IFT88: variants seen among roughly 807,000 people sequenced by gnomAD.
The protein encoded by IFT88 is intraflagellar transport 88, also known as intraflagellar transport protein 88 homolog.
Under a neutral mutation model 119.5 loss-of-function variants are expected in IFT88, and 74 were observed. The observed-to-expected ratio is 0.62, with a 90% confidence interval of 0.51 to 0.75. The LOEUF (loss-of-function observed/expected upper bound fraction) is 0.75. Ranked by LOEUF, IFT88 falls within the 30% of genes least tolerant of loss-of-function variation. The pLI is 0.00. For synonymous variants in IFT88, 279 were observed against 316.7 expected (o/e 0.88, Z 1.26); for missense variants, 961 against 977.7 (o/e 0.98, Z 0.23).
At position 20,629,402 on chromosome 13, in the gene IFT88, G is replaced by T. The variant is rs556981742; in HGVS notation, c.1300-1614G>T. On this transcript the variant is annotated intron_variant, in intron 15 of 25. Coordinates refer to ENST00000351808, the MANE Select transcript of IFT88 (RefSeq NM_006531.5). Reference sequence around the variant, plus strand: ...AATGTTATAAGATCTTTCCAAGAAAGTAAATGATAGAATCTTGAAAGTGAG... The same window carrying T: ...AATGTTATAAGATCTTTCCAAGAAATTAAATGATAGAATCTTGAAAGTGAG... 6.6e-5 allele frequency among the ~76,000 whole-genome samples: 10 copies of T among 152,292 alleles called. No homozygotes were observed. The South Asian group carries it at 2.1e-3, about 32-fold the overall frequency.
intron 24 of IFT88, among the ~76,000 whole-genome samples, chr13:20,678,339 G>A (rs577391038): frequency 6.6e-6 from 1 of 152,232 alleles, no homozygotes; most frequent in Non-Finnish European, 1.5e-5. Context: ...AGTGGGACCA[G>A]GGGGCTGACA....
chr13:20,595,581 C>T (rs147264099), intron 7 of IFT88, among the ~76,000 whole-genome samples: 10,756 of 151,956 alleles, frequency 0.071, 522 homozygotes, highest in Non-Finnish European at 0.11. Flanking sequence ...GGAGCCACCA[C>T]GCCTGGCCAT....
At chr13:20,608,445 G>A (rs1486743395) in intron 13 of IFT88, among the ~76,000 whole-genome samples, 3 of 152,148 alleles carry the variant, frequency 2.0e-5, no homozygotes, top group South Asian at 2.1e-4. Context: ...TCTTGGCCAC[G>A]TTGTACCTTT....
intron 20 of IFT88, among the ~76,000 whole-genome samples, chr13:20,648,825 GAA>G (rs1448701133): frequency 2.0e-5 from 3 of 152,132 alleles, no homozygotes; most frequent in Non-Finnish European, 1.5e-5. Context: ...CAAAAGGATT[GAA>G]AAAGATATTC....
At chr13:20,662,806 A>C (rs1205292770) in intron 22 of IFT88, among the ~76,000 whole-genome samples, 1 of 152,250 alleles carries the variant, frequency 6.6e-6, no homozygotes, top group Non-Finnish European at 1.5e-5. Flanking sequence ...AGCTTGAATG[A>C]AAAAGCAAAT....
intron 16 of IFT88, among the ~76,000 whole-genome samples, chr13:20,634,282 CATT>C (rs2048666332): frequency 6.6e-6 from 1 of 152,164 alleles, no homozygotes; most frequent in Admixed American, 6.5e-5. Flanking sequence ...CCACTGGAGT[CATT>C]ATTGTAATAA....
rs749816231 is a variant in IFT88, at chr13:20,601,780, G to C, written c.888G>C (p.Glu296Asp). 2.3e-5 allele frequency: 37 copies of C among 1,613,172 alleles called. No individual in the cohort carries two copies. The Admixed American group carries it at 6.2e-4, about 27-fold the overall frequency. ...ATTCAGATGCTATTAATTCATATGA[G>C]CACATAATGAGCATGGCACCAAATC... ...GQYSDAINSY[E>D]HIMSMAPNLK... is the part of the protein sequence containing the mutation. The change falls in exon 12 of 26, where the codon GAG becomes GAC. Residue 296 changes from glutamate to aspartate, a missense_variant. Physicochemically the swap from Glu to Asp is conservative, Grantham distance 45. Coordinates refer to ENST00000351808, the MANE Select transcript of IFT88 (RefSeq NM_006531.5).
intron 3 of IFT88, among the ~76,000 whole-genome samples, chr13:20,586,682 A>G (rs1026921460): frequency 2.6e-5 from 4 of 152,194 alleles, no homozygotes; most frequent in Non-Finnish European, 5.9e-5. Context: ...TCTTCCCCTC[A>G]GTTGGTTCTC....
At chr13:20,583,980 G>A (rs1025378869) in intron 3 of IFT88, among the ~76,000 whole-genome samples, 7 of 151,922 alleles carry the variant, frequency 4.6e-5, no homozygotes, top group Non-Finnish European at 7.4e-5. Context: ...CTGTTCTATT[G>A]GTCTATTTGT....
At chr13:20,623,850 T>C (rs886570936) in intron 14 of IFT88, among the ~76,000 whole-genome samples, 3 of 152,196 alleles carry the variant, frequency 2.0e-5, no homozygotes, top group Non-Finnish European at 2.9e-5. Context: ...TTAACCTCCT[T>C]GGTTATCCTT....
At chr13:20,635,406 G>T (rs1162933491) in intron 16 of IFT88, among the ~76,000 whole-genome samples, 1 of 152,168 alleles carries the variant, frequency 6.6e-6, no homozygotes, top group African/African-American at 2.4e-5. Flanking sequence ...CCAAGGGGAG[G>T]GATGGAGGCA....
chr13:20,637,986 G>C (rs1023720485), intron 16 of IFT88, among the ~76,000 whole-genome samples: 1 of 152,192 alleles, frequency 6.6e-6, no homozygotes, highest in Non-Finnish European at 1.5e-5. Flanking sequence ...GGGCAAGAAG[G>C]GTAGTGCTTT....
At chr13:20,571,398 T>G (rs138195889) in intron 1 of IFT88, among the ~76,000 whole-genome samples, 5 of 152,338 alleles carry the variant, frequency 3.3e-5, no homozygotes, top group African/African-American at 1.2e-4. Context: ...ATACTAGCAA[T>G]ACTACATTTC....
At chr13:20,681,398 C>T (rs1444905796) in intron 24 of IFT88, among the ~76,000 whole-genome samples, 2 of 152,190 alleles carry the variant, frequency 1.3e-5, no homozygotes, top group African/African-American at 2.4e-5. Context: ...TTCCGATCCT[C>T]GAGGATTAAC....
At chr13:20,640,652 A>G (rs1199303895) in intron 17 of IFT88, among the ~76,000 whole-genome samples, 1 of 152,188 alleles carries the variant, frequency 6.6e-6, no homozygotes. Flanking sequence ...ACCACTTATT[A>G]CTAGCACTTT....
intron 1 of IFT88, among the ~76,000 whole-genome samples, chr13:20,569,943 G>T (rs1176336844): frequency 1.3e-5 from 2 of 151,930 alleles, no homozygotes; most frequent in Admixed American, 6.6e-5. Flanking sequence ...TACTCGAGAG[G>T]CTGAGGCAGG....
intron 12 of IFT88, among the ~76,000 whole-genome samples, chr13:20,603,563 G>C (rs2042955968): frequency 6.6e-6 from 1 of 152,078 alleles, no homozygotes; most frequent in African/African-American, 2.4e-5. Flanking sequence ...AGGATTATAG[G>C]TGAGGATTAA....
chr13:20,615,867 C>T lies in IFT88; in HGVS notation c.1187C>T (p.Ala396Val), dbSNP rs2045524665. Reference sequence around the variant, plus strand: ...CCTGTAATTGAAACATCTTTTGCTGCAGGTTATGATTGGTAAGAGAGAAAG... The same window carrying T: ...CCTGTAATTGAAACATCTTTTGCTGTAGGTTATGATTGGTAAGAGAGAAAG... ...IAPVIETSFA[A>V]GYDWCVEVVK... is the part of the protein sequence containing the mutation. The change falls in exon 14 of 26, where the codon GCA becomes GTA. Residue 396 changes from alanine (A) to valine (V), a missense_variant. Physicochemically the swap from Ala to Val is moderately conservative, Grantham distance 64 (BLOSUM62 0). Transcript: ENST00000351808. 1 of 1,602,544 alleles carries T rather than the reference C, an allele frequency of 6.2e-7. No individual in the cohort carries two copies. The highest frequency in any genetic ancestry group is 8.5e-7 in the Non-Finnish European group (1 of 1,172,664).
intron 13 of IFT88, among the ~76,000 whole-genome samples, chr13:20,605,339 A>T (rs1566163698): frequency 6.6e-6 from 1 of 152,152 alleles, no homozygotes; most frequent in Non-Finnish European, 1.5e-5. Flanking sequence ...ATTCAGAATA[A>T]TCTCAGTGCT....
Sources: gnomAD v4.1 joint callset for allele counts (sites outside exome capture counted in the v4.1 genomes callset) on GRCh38, gnomAD v4.1.1 for gene constraint, MANE v1.5 for transcripts, NCBI Gene and HGNC (gene_info 2026-07-23, HGNC 2026-07-21) for gene names.